WWOX: variants seen among roughly 807,000 people sequenced by gnomAD.
WWOX encodes the protein WW domain containing oxidoreductase.
In WWOX, 69 loss-of-function variants were observed where a neutral mutation model predicts 46.2. The observed-to-expected ratio is 1.49, with a 90% confidence interval of 1.23 to 1.82. The LOEUF (loss-of-function observed/expected upper bound fraction) is 1.82, where lower values mean the gene tolerates loss of function less well. WWOX is among the 40% of genes most tolerant of loss of function. The pLI is 0.00. For missense variants in WWOX, 919 were observed against 542.6 expected, an observed-to-expected ratio of 1.69 and a Z score of -6.89; for synonymous variants, 359 against 202.6, an observed-to-expected ratio of 1.77 and a Z score of -6.56.
chr16:78,143,197 G>C (rs974896941), intron 4 of WWOX, among the ~76,000 whole-genome samples: 14 of 152,126 alleles, frequency 9.2e-5, no homozygotes, highest in Admixed American at 3.3e-4. Flanking sequence ...GTTTTAATGA[G>C]ATTCTCTTTA....
chr16:78,685,114 T>C (rs1295396617), intron 8 of WWOX, among the ~76,000 whole-genome samples: 1 of 152,184 alleles, frequency 6.6e-6, no homozygotes, highest in East Asian at 1.9e-4. Context: ...TATCTCCACT[T>C]CTCTCTGCAG....
chr16:78,288,485 A>G (rs1251639631), intron 5 of WWOX, among the ~76,000 whole-genome samples: 1 of 152,140 alleles, frequency 6.6e-6, no homozygotes, highest in African/African-American at 2.4e-5. Flanking sequence ...ATTTGGAAAG[A>G]GCAAGCTTCT....
chr16:78,844,061 G>C (rs2052233197), intron 8 of WWOX, among the ~76,000 whole-genome samples: 1 of 152,194 alleles, frequency 6.6e-6, no homozygotes, highest in Non-Finnish European at 1.5e-5. Context: ...TTATAAATAA[G>C]CTGGTGCGTT....
At chr16:78,746,732 A>G (rs2049356173) in intron 8 of WWOX, among the ~76,000 whole-genome samples, 2 of 152,016 alleles carry the variant, frequency 1.3e-5, no homozygotes, top group African/African-American at 4.8e-5. Context: ...AGAATGAGAT[A>G]GATGAAACAG....
At chr16:78,103,448 T>C (rs1165082099) in intron 1 of WWOX, among the ~76,000 whole-genome samples, 1 of 152,022 alleles carries the variant, frequency 6.6e-6, no homozygotes, top group African/African-American at 2.4e-5. Context: ...GGCTCTCAGC[T>C]GGAGGGCTCA....
At chr16:78,801,941 C>T (rs1368995583) in intron 8 of WWOX, among the ~76,000 whole-genome samples, 18 of 151,928 alleles carry the variant, frequency 1.2e-4, no homozygotes, top group African/African-American at 4.3e-4. Context: ...AATGTTTTTT[C>T]AGCAAAATGG....
At chr16:78,355,964 C>G (rs190340422) in intron 5 of WWOX, 16 of 193,684 alleles carry the variant, frequency 8.3e-5, no homozygotes, top group Admixed American at 7.4e-4. Flanking sequence ...TTCTTCCACT[C>G]CTGAAATGAG....
At chr16:78,378,825 C>T (rs887826521) in intron 5 of WWOX, among the ~76,000 whole-genome samples, 3 of 152,206 alleles carry the variant, frequency 2.0e-5, no homozygotes, top group African/African-American at 7.2e-5. Context: ...TCAGCGGTAA[C>T]ACTTCTCTTG....
At chr16:78,340,201 CTTT>C (rs199760062) in intron 5 of WWOX, among the ~76,000 whole-genome samples, 1 of 100,604 alleles carries the variant, frequency 9.9e-6, no homozygotes, top group Admixed American at 1.0e-4. Flanking sequence ...TGATGATAGT[CTTT>C]TTTTTTTTTT....
intron 8 of WWOX, among the ~76,000 whole-genome samples, chr16:78,816,077 A>G (rs1334997079): frequency 6.6e-6 from 1 of 152,190 alleles, no homozygotes; most frequent in Non-Finnish European, 1.5e-5. Context: ...CTGCTTTTCT[A>G]GCATGGAATC....
At chr16:78,887,341 T>A (rs1475873169) in intron 8 of WWOX, among the ~76,000 whole-genome samples, 2 of 152,002 alleles carry the variant, frequency 1.3e-5, no homozygotes, top group Non-Finnish European at 2.9e-5. Flanking sequence ...TAGCTTTTCT[T>A]TCCCCTCTCT....
Position 78,349,146 on chromosome 16 carries a change from G to A in WWOX, c.517-37714G>A, listed in dbSNP as rs1346868629. On this transcript the variant is annotated intron_variant, in intron 5 of 8. Transcript: ENST00000566780. ...CTACCTCGTCTGCTTGCAGACAGCC[G>A]CCTTCCCACCGTGTTCTCACGTGAC... Among the ~76,000 whole-genome samples, 3 of 120,652 alleles carry A rather than the reference G, an allele frequency of 2.5e-5. 1 individual carries two copies. The highest frequency in any genetic ancestry group is 5.9e-5 in the Non-Finnish European group (3 of 50,570). The allele number at this position is 120,652 out of a possible 152,430, so 79.2% of individuals were successfully genotyped here.
intron 8 of WWOX, among the ~76,000 whole-genome samples, chr16:79,153,575 C>G (rs901475837): frequency 2.0e-5 from 3 of 152,128 alleles, no homozygotes; most frequent in African/African-American, 2.4e-5. Flanking sequence ...CCTAATAATA[C>G]CTGCACACAA....
At chr16:78,462,795 A>G (rs1481098001) in intron 8 of WWOX, among the ~76,000 whole-genome samples, 1 of 152,198 alleles carries the variant, frequency 6.6e-6, no homozygotes, top group Non-Finnish European at 1.5e-5. Context: ...GCTTCCCTTG[A>G]TTAGCTCTGA....
At chr16:78,889,859 A>C (rs1385503125) in intron 8 of WWOX, among the ~76,000 whole-genome samples, 1 of 152,200 alleles carries the variant, frequency 6.6e-6, no homozygotes, top group Non-Finnish European at 1.5e-5. Context: ...TATCTGGAGA[A>C]AGTCCATAGT....
At chr16:78,364,482 A>G (rs1255656171) in intron 5 of WWOX, among the ~76,000 whole-genome samples, 1 of 152,106 alleles carries the variant, frequency 6.6e-6, no homozygotes, top group Non-Finnish European at 1.5e-5. Context: ...ATCTGATCTT[A>G]CAGTTATTAC....
chr16:79,011,129 A>ATC (rs1202047071), intron 8 of WWOX, among the ~76,000 whole-genome samples: 633 of 101,802 alleles, frequency 6.2e-3, no homozygotes, highest in Non-Finnish European at 5.6e-3. Flanking sequence ...CTACTCACTC[A>ATC]CACATCCACA....
chr16:79,193,354 G>C (rs1311603093), intron 8 of WWOX, among the ~76,000 whole-genome samples: 4 of 152,180 alleles, frequency 2.6e-5, no homozygotes, highest in Admixed American at 2.6e-4. Flanking sequence ...TGGAACAGAG[G>C]AGACTTCAGT....
At chr16:78,537,882 C>G (rs904158040) in intron 8 of WWOX, among the ~76,000 whole-genome samples, 4 of 152,134 alleles carry the variant, frequency 2.6e-5, no homozygotes, top group African/African-American at 9.7e-5. Flanking sequence ...CGGCCTTCTC[C>G]GGAAGGTTGT....
Sources: allele counts gnomAD v4.1 joint callset (sites outside exome capture counted in the v4.1 genomes callset), GRCh38; gene constraint gnomAD v4.1.1; transcripts MANE v1.5; gene names NCBI Gene and HGNC (gene_info 2026-07-23, HGNC 2026-07-21).